BCKDHB: variants seen among roughly 807,000 people sequenced by gnomAD.
BCKDHB encodes the protein branched chain keto acid dehydrogenase E1 subunit beta.
Under a neutral mutation model 48.5 loss-of-function variants are expected in BCKDHB, and 41 were observed. The observed-to-expected ratio is 0.85, with a 90% confidence interval of 0.66 to 1.10. The LOEUF (loss-of-function observed/expected upper bound fraction) is 1.10. Among genes scored for constraint, BCKDHB ranks in the 50% least tolerant of loss-of-function variants. The pLI is 0.00. For missense variants in BCKDHB, 496 were observed against 494.2 expected, an observed-to-expected ratio of 1.00 and a Z score of -0.03; for synonymous variants, 201 against 174.8, an observed-to-expected ratio of 1.15 and a Z score of -1.18.
intron 9 of BCKDHB, among the ~76,000 whole-genome samples, chr6:80,324,673 C>A (rs879641719): frequency 2.0e-5 from 3 of 152,140 alleles, no homozygotes; most frequent in Non-Finnish European, 4.4e-5. Context: ...CCCTTTCTCA[C>A]TACCCTCCCT....
chr6:80,193,719 C>CA (rs61317782), intron 6 of BCKDHB, among the ~76,000 whole-genome samples: 1,476 of 60,698 alleles, frequency 0.024, 15 homozygotes, highest in East Asian at 0.092. Flanking sequence ...GACTCTGTCT[C>CA]AAAAAAAAAA....
chr6:80,417,202 G>A, the BCKDHB span, among the ~76,000 whole-genome samples: 3 of 152,158 alleles, frequency 2.0e-5, no homozygotes, highest in Middle Eastern at 6.8e-3. Flanking sequence ...TTGCTGGGTA[G>A]ATTTTTCTCT....
chr6:80,140,137 T>A (rs1157756797), intron 3 of BCKDHB, among the ~76,000 whole-genome samples: 2 of 152,196 alleles, frequency 1.3e-5, no homozygotes, highest in Non-Finnish European at 2.9e-5. Context: ...ATGCTTGTGA[T>A]TTTTGTACAT....
chr6:80,175,144 C>A (rs992612878), intron 6 of BCKDHB, among the ~76,000 whole-genome samples: 1 of 152,102 alleles, frequency 6.6e-6, no homozygotes, highest in Non-Finnish European at 1.5e-5. Context: ...GTTTTCAGTT[C>A]CTGGTCCTAG....
intron 8 of BCKDHB, among the ~76,000 whole-genome samples, chr6:80,235,355 T>C (rs542995695): frequency 2.0e-5 from 3 of 152,326 alleles, no homozygotes; most frequent in East Asian, 1.9e-4. Flanking sequence ...CAAACAAATA[T>C]ACTTGCTTCT....
At chr6:80,209,536 T>TG (rs1190976134) in intron 8 of BCKDHB, among the ~76,000 whole-genome samples, 2 of 151,992 alleles carry the variant, frequency 1.3e-5, no homozygotes, top group African/African-American at 4.8e-5. Flanking sequence ...ACAGACCTGC[T>TG]GGTTATCTGA....
intron 9 of BCKDHB, among the ~76,000 whole-genome samples, chr6:80,283,684 A>G (rs1766483695): frequency 1.3e-5 from 2 of 152,090 alleles, no homozygotes; most frequent in South Asian, 4.1e-4. Context: ...TGTAGTTTCC[A>G]TTCATTGCAT....
chr6:80,243,807 A>G (rs1244496674), intron 8 of BCKDHB, among the ~76,000 whole-genome samples: 1 of 152,206 alleles, frequency 6.6e-6, no homozygotes, highest in East Asian at 1.9e-4. Context: ...AAGTGCTGGG[A>G]TTATAGATAT....
chr6:80,227,456 AT>A (rs1429506971), intron 8 of BCKDHB, among the ~76,000 whole-genome samples: 1 of 152,088 alleles, frequency 6.6e-6, no homozygotes, highest in Non-Finnish European at 1.5e-5. Context: ...TTTCAATTTA[AT>A]TTTGCTATGT....
chr6:80,145,653 C>T (rs901813077), intron 3 of BCKDHB, among the ~76,000 whole-genome samples: 15 of 152,068 alleles, frequency 9.9e-5, no homozygotes, highest in African/African-American at 3.6e-4. Flanking sequence ...GCCTTGGTTC[C>T]ACTGACACAT....
Position 80,139,830 on chromosome 6 carries a change from A to C in BCKDHB, c.343+10601A>C, listed in dbSNP as rs569308349. On this transcript the variant is annotated intron_variant, in intron 3 of 9. Coordinates refer to ENST00000320393, the MANE Select transcript of BCKDHB (RefSeq NM_183050.4). Reference sequence around the variant, plus strand: ...ATGAACTTTAAAGTCATTTTTTCCAATTCTGTGAAGAAAGTCATTGGTAGC... The same window carrying C: ...ATGAACTTTAAAGTCATTTTTTCCACTTCTGTGAAGAAAGTCATTGGTAGC... Among the ~76,000 whole-genome samples the C allele has an allele frequency of 6.5e-4, 99 of 152,220 alleles. 1 individual carries two copies. In the South Asian group the frequency reaches 0.02, roughly 31 times the overall value.
At chr6:80,300,693 C>T (rs1162928730) in intron 9 of BCKDHB, among the ~76,000 whole-genome samples, 1 of 152,170 alleles carries the variant, frequency 6.6e-6, no homozygotes, top group Admixed American at 6.5e-5. Flanking sequence ...CCAACTACTG[C>T]AGAATATATA....
At chr6:80,184,080 G>C (rs1562117253) in intron 6 of BCKDHB, among the ~76,000 whole-genome samples, 1 of 152,120 alleles carries the variant, frequency 6.6e-6, no homozygotes, top group Non-Finnish European at 1.5e-5. Context: ...GTGCAAATAA[G>C]TTTCAACTTA....
the BCKDHB span, among the ~76,000 whole-genome samples, chr6:80,429,872 A>C: frequency 6.6e-6 from 1 of 152,084 alleles, no homozygotes; most frequent in Non-Finnish European, 1.5e-5. Flanking sequence ...CTCTTACCTG[A>C]TTGCCCTGGC....
chr6:80,292,466 C>T (rs912106148), intron 9 of BCKDHB, among the ~76,000 whole-genome samples: 15 of 151,716 alleles, frequency 9.9e-5, no homozygotes, highest in African/African-American at 2.9e-4. Flanking sequence ...TTCACTGTCA[C>T]GTGAACAGCC....
chr6:80,232,412 G>T (rs978699508), intron 8 of BCKDHB, among the ~76,000 whole-genome samples: 12 of 151,834 alleles, frequency 7.9e-5, no homozygotes, highest in African/African-American at 2.9e-4. Flanking sequence ...TGATTTTGTA[G>T]TAGATCTATT....
At chr6:80,170,733 A>G (rs945184584) in intron 5 of BCKDHB, among the ~76,000 whole-genome samples, 7 of 152,150 alleles carry the variant, frequency 4.6e-5, no homozygotes, top group South Asian at 2.1e-4. Flanking sequence ...AGTGTGGACT[A>G]TCCACACTTT....
intron 6 of BCKDHB, among the ~76,000 whole-genome samples, chr6:80,177,469 TAAAGAG>T (rs1328648962): frequency 2.0e-5 from 3 of 151,602 alleles, no homozygotes; most frequent in East Asian, 1.9e-4. Flanking sequence ...TCTAGAGAGA[TAAAGAG>T]AAAGGAAAGA....
At chr6:80,107,180 A>G (rs1334090829) in intron 1 of BCKDHB, among the ~76,000 whole-genome samples, 1 of 151,534 alleles carries the variant, frequency 6.6e-6, no homozygotes, top group African/African-American at 2.4e-5. Flanking sequence ...GTGCCCAGGG[A>G]ACGCCTCCCT....
Sources: gnomAD v4.1 joint callset for allele counts (sites outside exome capture counted in the v4.1 genomes callset) on GRCh38, gnomAD v4.1.1 for gene constraint, MANE v1.5 for transcripts, NCBI Gene and HGNC (gene_info 2026-07-23, HGNC 2026-07-21) for gene names.